The following FMN2 variants were observed in gnomAD, a reference collection of about 807,000 sequenced individuals.
The protein encoded by FMN2 is formin-2.
In FMN2, 51 loss-of-function variants were observed where a neutral mutation model predicts 142.3. The observed-to-expected ratio is 0.36, with a 90% CI of 0.29 to 0.45. The LOEUF (loss-of-function observed/expected upper bound fraction) is 0.45. Ranked by LOEUF, FMN2 falls within the 20% of genes least tolerant of loss-of-function variation. The pLI is 1.00. For missense variants in FMN2, 1,936 were observed against 2,122.8 expected, an observed-to-expected ratio of 0.91 and a Z score of 1.73; for synonymous variants, 882 against 869.8, an observed-to-expected ratio of 1.01 and a Z score of -0.25.
intron 4 of FMN2, among the ~76,000 whole-genome samples, chr1:240,202,219 G>A (rs1666152817): frequency 6.6e-6 from 1 of 152,172 alleles, no homozygotes. Context: ...GTAACCAAAA[G>A]AAAATTTAAG....
At chr1:240,401,844 C>A (rs9729784) in intron 15 of FMN2, among the ~76,000 whole-genome samples, 1 of 151,958 alleles carries the variant, frequency 6.6e-6, no homozygotes, top group African/African-American at 2.4e-5. Context: ...TTCCTCTTAG[C>A]CTAGCTCTGC....
At chr1:240,440,732 T>C (rs573761362) in intron 16 of FMN2, among the ~76,000 whole-genome samples, 8 of 152,308 alleles carry the variant, frequency 5.3e-5, no homozygotes, top group African/African-American at 1.9e-4. Flanking sequence ...TCTATTACCC[T>C]CTTGGCAATT....
intron 7 of FMN2, among the ~76,000 whole-genome samples, chr1:240,286,618 G>T (rs1669599679): frequency 6.6e-6 from 1 of 152,034 alleles, no homozygotes; most frequent in African/African-American, 2.4e-5. Flanking sequence ...GTCCTTATGG[G>T]TTTACTTTTT....
intron 2 of FMN2, among the ~76,000 whole-genome samples, chr1:240,130,039 G>C (rs1301135485): frequency 6.6e-6 from 1 of 152,016 alleles, no homozygotes; most frequent in Non-Finnish European, 1.5e-5. Context: ...TACACTATTA[G>C]TGTCTCTACT....
At chr1:240,196,276 A>C (rs569470502) in intron 4 of FMN2, among the ~76,000 whole-genome samples, 4 of 152,204 alleles carry the variant, frequency 2.6e-5, no homozygotes, top group Admixed American at 1.3e-4. Context: ...TTAAACTCTC[A>C]AAGTAATTCC....
chr1:240,291,217 A>C (rs1453097579), intron 7 of FMN2, among the ~76,000 whole-genome samples: 1 of 152,202 alleles, frequency 6.6e-6, no homozygotes, highest in Non-Finnish European at 1.5e-5. Context: ...CAAATAAGTG[A>C]ATAATCTTTT....
chr1:240,398,705 C>A (rs572955450), intron 15 of FMN2, among the ~76,000 whole-genome samples: 1 of 152,140 alleles, frequency 6.6e-6, no homozygotes, highest in African/African-American at 2.4e-5. Flanking sequence ...GATCCTCTGG[C>A]CTTTTGAGTC....
intron 6 of FMN2, among the ~76,000 whole-genome samples, chr1:240,227,948 C>T (rs1002563067): frequency 3.3e-5 from 5 of 152,008 alleles, no homozygotes; most frequent in Non-Finnish European, 7.4e-5. Context: ...TGGTTAACAT[C>T]CTGAATATCT....
chr1:240,142,816 T>C, intron 2 of FMN2: 1 of 1,586,514 alleles, frequency 6.3e-7, no homozygotes, highest in Admixed American at 1.7e-5. Context: ...GTGATGGTCT[T>C]AGGCTTGCCA....
intron 2 of FMN2, among the ~76,000 whole-genome samples, chr1:240,165,972 T>G (rs1359283920): frequency 6.6e-6 from 1 of 151,912 alleles, no homozygotes; most frequent in Non-Finnish European, 1.5e-5. Flanking sequence ...TGTAGGGTGT[T>G]GAGGGGTGGG....
chr1:240,278,753 G>A (rs1313974793), intron 7 of FMN2, among the ~76,000 whole-genome samples: 1 of 152,088 alleles, frequency 6.6e-6, no homozygotes, highest in Admixed American at 6.6e-5. Flanking sequence ...AGAAACAAAT[G>A]AAAATACCAG....
chr1:240,394,118 T>A (rs1673697001), intron 15 of FMN2, among the ~76,000 whole-genome samples: 2 of 152,146 alleles, frequency 1.3e-5, no homozygotes, highest in African/African-American at 4.8e-5. Context: ...GGTTAGGCAG[T>A]CACAATGGGT....
chr1:240,337,209 T>C (rs1400580020), intron 13 of FMN2, among the ~76,000 whole-genome samples: 2 of 141,728 alleles, frequency 1.4e-5, no homozygotes, highest in Admixed American at 6.9e-5. Flanking sequence ...TTTTCTTTTT[T>C]TTTTTTTTTT....
intron 7 of FMN2, among the ~76,000 whole-genome samples, chr1:240,281,464 G>C (rs1669393767): frequency 6.6e-6 from 1 of 152,096 alleles, no homozygotes. Context: ...TGTCTGTCTG[G>C]TTTATGCTGT....
intron 16 of FMN2, among the ~76,000 whole-genome samples, chr1:240,466,847 A>G (rs1353700010): frequency 6.6e-6 from 1 of 152,128 alleles, no homozygotes; most frequent in Non-Finnish European, 1.5e-5. Flanking sequence ...ACTGTGAACA[A>G]TGAAGTATGT....
At chr1:240,391,302 A>G (rs1030055098) in intron 14 of FMN2, among the ~76,000 whole-genome samples, 2 of 152,198 alleles carry the variant, frequency 1.3e-5, no homozygotes, top group South Asian at 4.1e-4. Flanking sequence ...GATACCATGC[A>G]AACCTTTGAA....
rs143740962 is a variant in FMN2, at chr1:240,469,676, G to A, written c.5061-2696G>A. Reference sequence around the variant, plus strand: ...GCCTGTTAAACAAGGCTCGGCAGTCGCTTACTCCAGAAAGATCTCTGTAAA... The same window carrying A: ...GCCTGTTAAACAAGGCTCGGCAGTCACTTACTCCAGAAAGATCTCTGTAAA... On this transcript the variant is annotated intron_variant, in intron 16 of 17. Coordinates refer to ENST00000319653, the MANE Select transcript of FMN2 (RefSeq NM_020066.5). 5.2e-3 allele frequency among the ~76,000 whole-genome samples: 799 copies of A among 152,228 alleles called. 3 individuals are homozygous for A. The highest frequency in any genetic ancestry group is 0.019 in the African/African-American group (775 of 41,534).
chr1:240,285,479 C>T (rs1452992598), intron 7 of FMN2, among the ~76,000 whole-genome samples: 1 of 151,914 alleles, frequency 6.6e-6, no homozygotes, highest in Non-Finnish European at 1.5e-5. Flanking sequence ...TTCAAGCCCA[C>T]CGTGAGACTG....
intron 6 of FMN2, among the ~76,000 whole-genome samples, chr1:240,222,014 A>ATTT (rs71170722): frequency 0.3 from 39,065 of 129,376 alleles, 6,825 homozygotes; most frequent in Non-Finnish European, 0.39. Context: ...CACCCAGCTA[A>ATTT]TTTTTTTTTT....
Sources: allele counts gnomAD v4.1 joint callset (sites outside exome capture counted in the v4.1 genomes callset), GRCh38; gene constraint gnomAD v4.1.1; transcripts MANE v1.5; gene names NCBI Gene and HGNC (gene_info 2026-07-23, HGNC 2026-07-21).